Variants in SESN1 observed in about 807,000 individuals in gnomAD.
SESN1 encodes sestrin-1.
In SESN1, 30 loss-of-function variants were observed where a neutral mutation model predicts 59.3. That is an observed-to-expected ratio of 0.51 (90% CI 0.38 to 0.69). SESN1 has a LOEUF of 0.69. Among genes scored for constraint, SESN1 ranks in the 30% least tolerant of loss-of-function variants. SESN1 has a pLI of 0.00. For synonymous variants in SESN1, 197 were observed against 219.9 expected, an observed-to-expected ratio of 0.90 and a Z score of 0.92; for missense variants, 566 against 673.0, an observed-to-expected ratio of 0.84 and a Z score of 1.76.
chr6:109,032,043 GC>G (rs1780187462), intron 1 of SESN1, among the ~76,000 whole-genome samples: 1 of 151,980 alleles, frequency 6.6e-6, no homozygotes, highest in Non-Finnish European at 1.5e-5. Flanking sequence ...GGAATTTTCC[GC>G]GGATCACCTG....
At chr6:109,071,214 C>T (rs764994625) in intron 1 of SESN1, among the ~76,000 whole-genome samples, 3 of 151,912 alleles carry the variant, frequency 2.0e-5, no homozygotes, top group Non-Finnish European at 2.9e-5. Context: ...CTAGGGCAGA[C>T]AGAATAAATA....
chr6:109,059,141 AT>A (rs1780689461), intron 1 of SESN1, among the ~76,000 whole-genome samples: 2 of 151,788 alleles, frequency 1.3e-5, no homozygotes, highest in Non-Finnish European at 2.9e-5. Flanking sequence ...ACTTCTTAAC[AT>A]TTAACCAACC....
At chr6:109,009,504 T>A in intron 1 of SESN1, 1 of 1,208,808 alleles carries the variant, frequency 8.3e-7, no homozygotes, top group Non-Finnish European at 1.0e-6. Context: ...CGGCGAGCGC[T>A]GGGCAGCCGG....
Position 108,988,868 on chromosome 6 carries a change from C to T in SESN1, c.1425-181G>A, listed in dbSNP as rs150026027. On this transcript the variant is annotated intron_variant, in intron 8 of 9. Coordinates refer to ENST00000436639, the MANE Select transcript of SESN1 (RefSeq NM_014454.3). ...TAAGTGAGTATAAAGGGATAAGAAA[C>T]AGAGTACTTAGGGAGACTAACATAA... is the stretch of plus-strand genomic sequence containing the variant. Among the ~76,000 whole-genome samples the T allele has an allele frequency of 2.9e-3, 443 of 152,226 alleles. 2 individuals are homozygous for T. Among genetic ancestry groups the T allele is most frequent in the East Asian group, 0.025 (129 of 5,180 alleles).
In SESN1 at chr6:109,084,122, C is replaced by T. The variant is rs114692850; in HGVS notation, c.279+9673G>A. On this transcript the variant is annotated intron_variant, in intron 1 of 9. Coordinates refer to ENST00000436639, the MANE Select transcript of SESN1 (RefSeq NM_014454.3). ...TCAGTTTGTCAATTTAAACAACTTT[C>T]AAGTTAAAATACTAAATTAATACTA... Among the ~76,000 whole-genome samples the T allele has an allele frequency of 7.9e-3, 1,196 of 152,226 alleles. 21 individuals carry two copies. The highest frequency in any genetic ancestry group is 0.028 in the African/African-American group (1,146 of 41,528).
intron 5 of SESN1, among the ~76,000 whole-genome samples, chr6:108,996,321 C>G (rs1779502193): frequency 6.6e-6 from 1 of 152,138 alleles, no homozygotes; most frequent in Non-Finnish European, 1.5e-5. Flanking sequence ...GGAAGTGTTT[C>G]TATGACGATA....
rs573316211 is a variant in SESN1 at position 109,089,059 on chromosome 6, ATTT to A, written c.279+4733_279+4735del. Among the ~76,000 whole-genome samples the A allele has an allele frequency of 8.1e-3, 1,168 of 144,506 alleles. 20 individuals carry two copies. The highest frequency in any genetic ancestry group is 0.028 in the African/African-American group (1,119 of 39,720). 94.8% of individuals were successfully genotyped at this position (144,506 alleles called of 152,430 possible). A position where few individuals can be genotyped will look rare whatever the true frequency, so the allele number is the denominator to read the frequency against. On this transcript the variant is annotated intron_variant, in intron 1 of 9. Transcript: ENST00000436639. Reference sequence around the variant, plus strand: ...AAAGATGCTATCTCCCAATGTGTCCATTTTTTTTTTTTTTAACAGATTTAGCTG... The same window carrying A: ...AAAGATGCTATCTCCCAATGTGTCCATTTTTTTTTTTAACAGATTTAGCTG...
In SESN1 at chr6:109,044,311, C is replaced by CAAAA. The variant is rs71015570; in HGVS notation, c.280-41972_280-41969dup. ...TAGATGACACAGTGAGAACTTGCCT[C>CAAAA]AAAAAAAAAAAAAAAAAAAAAAAAA... On this transcript the variant is annotated intron_variant, in intron 1 of 9. Coordinates refer to ENST00000436639, the MANE Select transcript of SESN1 (RefSeq NM_014454.3). Among the ~76,000 whole-genome samples, 10 of 28,458 alleles carry CAAAA rather than the reference C, an allele frequency of 3.5e-4. 2 individuals are homozygous for CAAAA. Among genetic ancestry groups the CAAAA allele is most frequent in the East Asian group, 2.6e-3 (1 of 388 alleles). 18.7% of individuals were successfully genotyped at this position (28,458 alleles called of 152,430 possible).
At chr6:109,088,111 G>A (rs1781245556) in intron 1 of SESN1, 1 of 152,134 alleles carries the variant, frequency 6.6e-6, no homozygotes, top group African/African-American at 2.4e-5. Context: ...CTGCTAGAGG[G>A]TTTCTGGGAA....
intron 7 of SESN1, 125 bp from the exon 8 acceptor site, chr6:108,990,960 C>G: frequency 1.4e-6 from 1 of 723,168 alleles, no homozygotes; most frequent in Non-Finnish European, 2.2e-6. Flanking sequence ...TTATCCCTAA[C>G]TCCCAGCTTC....
intron 1 of SESN1, among the ~76,000 whole-genome samples, chr6:109,052,039 G>A (rs1442530688): frequency 1.3e-5 from 2 of 152,140 alleles, no homozygotes; most frequent in Non-Finnish European, 2.9e-5. Flanking sequence ...TTATTAGCTT[G>A]GTGCAAAAGT....
At chr6:109,051,645 A>C (rs1055977652) in intron 1 of SESN1, among the ~76,000 whole-genome samples, 1 of 152,350 alleles carries the variant, frequency 6.6e-6, no homozygotes, top group African/African-American at 2.4e-5. Context: ...GATAAAAATG[A>C]TAAATCATTA....
chr6:109,035,081 A>C (rs994689211), intron 1 of SESN1, among the ~76,000 whole-genome samples: 1 of 152,106 alleles, frequency 6.6e-6, no homozygotes, highest in Admixed American at 6.5e-5. Flanking sequence ...GGGAGAGAAA[A>C]GGGGCAAGAG....
At chr6:108,988,271 C>G (rs771726987) in intron 9 of SESN1, 2 of 282,144 alleles carry the variant, frequency 7.1e-6, no homozygotes, top group Middle Eastern at 1.0e-3. Flanking sequence ...TCTACCTATA[C>G]ACAGCTTTTA....
At chr6:108,994,378 T>C (rs1227973279) in intron 6 of SESN1, 84 bp downstream of exon 6, 5 of 1,140,728 alleles carry the variant, frequency 4.4e-6, no homozygotes, top group Non-Finnish European at 6.3e-6. Context: ...ATATTTAGAT[T>C]GATGCTTTAA....
chr6:108,990,555 G>C (rs1256468200), intron 8 of SESN1, 90 bp downstream of exon 8: 39 of 1,135,978 alleles, frequency 3.4e-5, no homozygotes, highest in Non-Finnish European at 4.8e-5. Context: ...TTTTGATTAT[G>C]TGTGTGTCTA....
At chr6:109,069,393 C>A (rs557612797) in intron 1 of SESN1, among the ~76,000 whole-genome samples, 1 of 151,974 alleles carries the variant, frequency 6.6e-6, no homozygotes, top group African/African-American at 2.4e-5. Context: ...ATTATAAACA[C>A]CAGATGCTAG....
At chr6:109,046,317 G>A (rs10428772) in intron 1 of SESN1, among the ~76,000 whole-genome samples, 64 of 151,822 alleles carry the variant, frequency 4.2e-4, no homozygotes, top group African/African-American at 1.4e-3. Context: ...GCCCCTAACC[G>A]CGAGTGATCC....
At chr6:109,054,358 A>G (rs1401940846) in intron 1 of SESN1, among the ~76,000 whole-genome samples, 1 of 152,200 alleles carries the variant, frequency 6.6e-6, no homozygotes, top group Non-Finnish European at 1.5e-5. Flanking sequence ...AGAATGATAC[A>G]GTCTAAAGGT....
Sources: allele counts gnomAD v4.1 joint callset (sites outside exome capture counted in the v4.1 genomes callset), GRCh38; gene constraint gnomAD v4.1.1; transcripts MANE v1.5; gene names NCBI Gene and HGNC (gene_info 2026-07-23, HGNC 2026-07-21).